GPC5: variants seen among roughly 807,000 people sequenced by gnomAD.
GPC5 encodes glypican 5, also known as glypican-5.
Under a neutral mutation model 53.9 loss-of-function variants are expected in GPC5, and 47 were observed. That is an observed-to-expected ratio of 0.87 (90% confidence interval 0.69 to 1.11). The LOEUF is 1.11. GPC5 is among the 50% of genes most tolerant of loss of function. The pLI is 0.00. For synonymous variants in GPC5, 286 were observed against 263.3 expected, an observed-to-expected ratio of 1.09 and a Z score of -0.84; for missense variants, 748 against 713.1, an observed-to-expected ratio of 1.05 and a Z score of -0.56.
intron 6 of GPC5, among the ~76,000 whole-genome samples, chr13:91,976,668 T>C (rs1594700761): frequency 1.3e-5 from 2 of 152,294 alleles, no homozygotes; most frequent in Admixed American, 1.3e-4. Context: ...GAGTTTCAGT[T>C]CCTTGATACT....
intron 7 of GPC5, among the ~76,000 whole-genome samples, chr13:92,471,470 C>T (rs1484496168): frequency 6.6e-6 from 1 of 152,032 alleles, no homozygotes; most frequent in Admixed American, 6.6e-5. Context: ...TTATCTCTCC[C>T]TATTTATAGG....
At chr13:92,340,519 C>T (rs1047765098) in intron 7 of GPC5, 3 of 152,138 alleles carry the variant, frequency 2.0e-5, no homozygotes, top group African/African-American at 7.2e-5. Flanking sequence ...GCCACTGCTC[C>T]TGGCTTTGAA....
intron 3 of GPC5, among the ~76,000 whole-genome samples, chr13:91,724,809 A>G (rs12100354): frequency 7.9e-5 from 12 of 152,292 alleles, no homozygotes; most frequent in African/African-American, 2.9e-4. Context: ...GTGAGTCATG[A>G]TCATGGCACT....
intron 7 of GPC5, among the ~76,000 whole-genome samples, chr13:92,864,446 A>G (rs973361437): frequency 2.0e-5 from 3 of 152,208 alleles, no homozygotes; most frequent in Non-Finnish European, 2.9e-5. Flanking sequence ...TGAACAAAAT[A>G]TAAGCTCAGA....
intron 2 of GPC5, among the ~76,000 whole-genome samples, chr13:91,635,008 A>G (rs1361957141): frequency 1.3e-5 from 2 of 152,104 alleles, no homozygotes; most frequent in Non-Finnish European, 2.9e-5. Context: ...CTATATGTGC[A>G]TAGGATGCTA....
At chr13:92,492,272 C>G (rs1879792661) in intron 7 of GPC5, among the ~76,000 whole-genome samples, 1 of 150,750 alleles carries the variant, frequency 6.6e-6, no homozygotes, top group South Asian at 2.1e-4. Flanking sequence ...CATTAATTTT[C>G]TTTTTTTCTT....
At chr13:91,573,331 GTT>G (rs2032007870) in intron 2 of GPC5, among the ~76,000 whole-genome samples, 1 of 152,178 alleles carries the variant, frequency 6.6e-6, no homozygotes, top group Non-Finnish European at 1.5e-5. Context: ...ACTTTTAAGT[GTT>G]TTAGTATGGC....
chr13:92,724,875 T>TACACATAC (rs1888595170), intron 7 of GPC5, among the ~76,000 whole-genome samples: 1 of 137,668 alleles, frequency 7.3e-6, no homozygotes, highest in African/African-American at 2.7e-5. Flanking sequence ...GTCCTACACA[T>TACACATAC]ACACACACAC....
Position 92,198,185 on chromosome 13 carries a change from A to T in GPC5, c.1561+53196A>T, listed in dbSNP as rs142904188. On this transcript the variant is annotated intron_variant, in intron 7 of 7. Coordinates refer to ENST00000377067, the MANE Select transcript of GPC5 (RefSeq NM_004466.6). ...TCAGAGAAATTATCCCAATCTAAAA[A>T]TGTCTTGTTACATGTTTGTCTATAT... 5.8e-3 allele frequency among the ~76,000 whole-genome samples: 888 copies of T among 152,218 alleles called. 15 individuals are homozygous for T. The highest frequency in any genetic ancestry group is 3.7e-3 in the Non-Finnish European group (251 of 68,004).
At chr13:91,822,557 A>C (rs903462530) in intron 5 of GPC5, among the ~76,000 whole-genome samples, 3 of 152,148 alleles carry the variant, frequency 2.0e-5, no homozygotes, top group African/African-American at 7.2e-5. Flanking sequence ...GAACTTGTGC[A>C]GGGGAACTGC....
intron 2 of GPC5, among the ~76,000 whole-genome samples, chr13:91,577,448 G>T (rs77196324): frequency 6.6e-6 from 1 of 152,154 alleles, no homozygotes; most frequent in Non-Finnish European, 1.5e-5. Flanking sequence ...TCCCCTTGCA[G>T]AAGAGCCCTA....
intron 6 of GPC5, among the ~76,000 whole-genome samples, chr13:92,043,933 A>G (rs970763476): frequency 1.2e-4 from 19 of 152,202 alleles, no homozygotes; most frequent in Non-Finnish European, 2.1e-4. Flanking sequence ...TGCAATTTGA[A>G]TCCGATAACT....
intron 2 of GPC5, among the ~76,000 whole-genome samples, chr13:91,569,095 C>T (rs1387956630): frequency 1.3e-5 from 2 of 151,992 alleles, no homozygotes; most frequent in Non-Finnish European, 2.9e-5. Context: ...AGTGTTATAA[C>T]ATGTAAAATA....
At chr13:92,542,660 T>C (rs1881968864) in intron 7 of GPC5, among the ~76,000 whole-genome samples, 1 of 152,214 alleles carries the variant, frequency 6.6e-6, no homozygotes, top group African/African-American at 2.4e-5. Context: ...GCGCGTTTCT[T>C]GTACGGCAAA....
intron 7 of GPC5, among the ~76,000 whole-genome samples, chr13:92,557,837 A>G (rs1163739091): frequency 6.6e-6 from 1 of 151,908 alleles, no homozygotes; most frequent in Non-Finnish European, 1.5e-5. Context: ...CAGTCATCAC[A>G]TGATACTGCA....
intron 7 of GPC5, among the ~76,000 whole-genome samples, chr13:92,485,312 T>C (rs1879512572): frequency 1.3e-5 from 2 of 152,244 alleles, no homozygotes; most frequent in Non-Finnish European, 2.9e-5. Context: ...TTAAATGTTA[T>C]TAATTCAACA....
At chr13:91,992,062 G>A (rs1011622464) in intron 6 of GPC5, among the ~76,000 whole-genome samples, 1 of 152,070 alleles carries the variant, frequency 6.6e-6, no homozygotes, top group South Asian at 2.1e-4. Context: ...TTTTGAGACA[G>A]GGCCTTGTTC....
rs1252851661 is a variant in GPC5, at chr13:92,039,379, G to A, written c.1402-105451G>A. On this transcript the variant is annotated intron_variant, in intron 6 of 7. Transcript: ENST00000377067. ...AGGCAGCAGGACTTCTATAACGTTGGGATCGGGAATTCAGTAAACCCTCTC... is the reference window on the plus strand; with the variant it reads ...AGGCAGCAGGACTTCTATAACGTTGAGATCGGGAATTCAGTAAACCCTCTC... 1.3e-5 allele frequency among the ~76,000 whole-genome samples: 2 copies of A among 152,116 alleles called. 1 individual carries two copies. Among genetic ancestry groups the A allele is most frequent in the South Asian group, 4.1e-4 (2 of 4,830 alleles).
intron 7 of GPC5, among the ~76,000 whole-genome samples, chr13:92,703,641 G>T (rs1288576046): frequency 6.7e-6 from 1 of 149,578 alleles, no homozygotes; most frequent in African/African-American, 2.4e-5. Flanking sequence ...ATATTTATAA[G>T]ATGTTATAAG....
Sources: allele counts gnomAD v4.1 joint callset (sites outside exome capture counted in the v4.1 genomes callset), GRCh38; gene constraint gnomAD v4.1.1; transcripts MANE v1.5; gene names NCBI Gene and HGNC (gene_info 2026-07-23, HGNC 2026-07-21).